RCAN2: variants seen among roughly 807,000 people sequenced by gnomAD.
The protein encoded by RCAN2 is calcipressin-2.
RCAN2 carries 9 observed loss-of-function variants against 23.6 expected under a neutral mutation model. The ratio of observed to expected loss-of-function variants is 0.38; its 90% CI spans 0.23 to 0.67. The LOEUF (loss-of-function observed/expected upper bound fraction) is 0.67, where lower values mean the gene tolerates loss of function less well. Ranked by LOEUF, RCAN2 falls within the 30% of genes least tolerant of loss-of-function variation. The pLI, the probability that RCAN2 is intolerant of heterozygous loss-of-function variation, is 0.51. For synonymous variants in RCAN2, 109 were observed against 115.7 expected (o/e 0.94, Z 0.37); for missense variants, 273 against 302.3 (o/e 0.90, Z 0.72).
At chr6:46,383,350 C>T (rs1440117300) in intron 2 of RCAN2, among the ~76,000 whole-genome samples, 1 of 152,076 alleles carries the variant, frequency 6.6e-6, no homozygotes, top group East Asian at 1.9e-4. Flanking sequence ...TCAGGAACAG[C>T]TTAGGCGAAG....
chr6:46,405,730 G>A (rs1218898240), intron 2 of RCAN2, among the ~76,000 whole-genome samples: 2 of 152,202 alleles, frequency 1.3e-5, no homozygotes, highest in African/African-American at 2.4e-5. Flanking sequence ...CGGGGCTGCA[G>A]GTGGAGCTGC....
intron 2 of RCAN2, among the ~76,000 whole-genome samples, chr6:46,435,726 C>A (rs1237633116): frequency 6.6e-6 from 1 of 152,206 alleles, no homozygotes; most frequent in African/African-American, 2.4e-5. Flanking sequence ...GGAACTGATG[C>A]AACGACAGAA....
At chr6:46,293,331 C>A (rs1326119334) in intron 2 of RCAN2, among the ~76,000 whole-genome samples, 1 of 152,138 alleles carries the variant, frequency 6.6e-6, no homozygotes, top group African/African-American at 2.4e-5. Context: ...TTTATAATTT[C>A]TACTTCTTTG....
rs1716042745 is a variant in RCAN2, at chr6:46,425,603, C to A, written c.225+31149G>T. On this transcript the variant is annotated intron_variant, in intron 2 of 4. Transcript: ENST00000371374. The stretch of plus-strand genomic sequence containing the variant: ...ATTCTCCTATCTCTGCTGATGTCTT[C>A]TTGCTCATTTTCTACAATCAGAAGC... 3.3e-5 allele frequency among the ~76,000 whole-genome samples: 5 copies of A among 152,048 alleles called. No homozygotes were observed. The South Asian group carries it at 1.0e-3, about 32-fold the overall frequency.
intron 1 of RCAN2, among the ~76,000 whole-genome samples, chr6:46,490,747 T>C (rs1769116278): frequency 6.7e-6 from 1 of 149,562 alleles, no homozygotes; most frequent in Non-Finnish European, 1.5e-5. Flanking sequence ...TCGATCTTCT[T>C]TGCTCTCTGC....
chr6:46,309,564 A>G (rs1314384754), intron 2 of RCAN2, among the ~76,000 whole-genome samples: 2 of 152,094 alleles, frequency 1.3e-5, no homozygotes, highest in Non-Finnish European at 1.5e-5. Flanking sequence ...TTAATTGACA[A>G]TGCTTAGGTT....
At chr6:46,389,692 G>A (rs918513597) in intron 2 of RCAN2, among the ~76,000 whole-genome samples, 5 of 152,200 alleles carry the variant, frequency 3.3e-5, no homozygotes, top group Non-Finnish European at 2.9e-5. Flanking sequence ...AAATAAAGTC[G>A]TAGAGGCCTT....
chr6:46,232,121 GA>G (rs1246634575), intron 4 of RCAN2, among the ~76,000 whole-genome samples: 1 of 152,234 alleles, frequency 6.6e-6, no homozygotes, highest in Non-Finnish European at 1.5e-5. Context: ...GGAGACCCAG[GA>G]AGGAGATGAC....
At chr6:46,479,963 A>G (rs191168557) in intron 1 of RCAN2, among the ~76,000 whole-genome samples, 73 of 152,326 alleles carry the variant, frequency 4.8e-4, no homozygotes, top group African/African-American at 1.6e-3. Flanking sequence ...GGCAAATTAC[A>G]TAAGTCCATT....
At chr6:46,389,310 G>T (rs762786328) in intron 2 of RCAN2, among the ~76,000 whole-genome samples, 1 of 152,138 alleles carries the variant, frequency 6.6e-6, no homozygotes, top group Admixed American at 6.5e-5. Context: ...CACTCAGCCT[G>T]CTGTTTCAGA....
intron 2 of RCAN2, among the ~76,000 whole-genome samples, chr6:46,439,302 T>C (rs2150421449): frequency 6.6e-6 from 1 of 152,376 alleles, no homozygotes; most frequent in East Asian, 1.9e-4. Context: ...GTGAACTTGT[T>C]GCAGCAATGC....
intron 2 of RCAN2, among the ~76,000 whole-genome samples, chr6:46,285,482 A>T (rs1762345178): frequency 6.6e-6 from 1 of 152,186 alleles, no homozygotes; most frequent in African/African-American, 2.4e-5. Context: ...AAGAGGTTCT[A>T]ATCGAGGGGT....
chr6:46,347,217 C>T (rs1582128800), intron 2 of RCAN2, among the ~76,000 whole-genome samples: 1 of 152,244 alleles, frequency 6.6e-6, no homozygotes, highest in East Asian at 1.9e-4. Flanking sequence ...AATGCAACAC[C>T]ACAGTTTATA....
intron 2 of RCAN2, among the ~76,000 whole-genome samples, chr6:46,420,675 C>T (rs1056945714): frequency 1.3e-5 from 2 of 151,852 alleles, no homozygotes; most frequent in Non-Finnish European, 2.9e-5. Flanking sequence ...TCCCAAGTAG[C>T]TGGGATTACA....
intron 2 of RCAN2, among the ~76,000 whole-genome samples, chr6:46,408,430 C>A (rs1299497808): frequency 3.3e-5 from 5 of 152,186 alleles, no homozygotes; most frequent in Admixed American, 3.3e-4. Flanking sequence ...AGCCTGACTT[C>A]TCTATATTGC....
At chr6:46,362,387 T>C (rs563622562) in intron 2 of RCAN2, among the ~76,000 whole-genome samples, 1 of 152,176 alleles carries the variant, frequency 6.6e-6, no homozygotes, top group African/African-American at 2.4e-5. Context: ...AGGTATAATA[T>C]AAGGATATAA....
chr6:46,366,419 T>C (rs1765173839), intron 2 of RCAN2, among the ~76,000 whole-genome samples: 3 of 152,070 alleles, frequency 2.0e-5, no homozygotes, highest in Admixed American at 6.5e-5. Context: ...TCACTGGCCA[T>C]ACTCTAACTC....
At chr6:46,394,414 G>A (rs1382735799) in intron 2 of RCAN2, among the ~76,000 whole-genome samples, 1 of 141,634 alleles carries the variant, frequency 7.1e-6, no homozygotes, top group Non-Finnish European at 1.5e-5. Context: ...TGACTTTAAA[G>A]CTTAAAATGT....
intron 2 of RCAN2, among the ~76,000 whole-genome samples, chr6:46,269,569 C>T (rs1227661661): frequency 6.6e-6 from 1 of 152,210 alleles, no homozygotes; most frequent in African/African-American, 2.4e-5. Context: ...TTCTCAAGTG[C>T]GTGGAGATCC....
Sources: gnomAD v4.1 joint callset for allele counts (sites outside exome capture counted in the v4.1 genomes callset) on GRCh38, gnomAD v4.1.1 for gene constraint, MANE v1.5 for transcripts, NCBI Gene and HGNC (gene_info 2026-07-23, HGNC 2026-07-21) for gene names.